The following CSMD1 variants were observed in gnomAD, a reference collection of about 807,000 sequenced individuals.
CSMD1 encodes CUB and sushi domain-containing protein 1.
A neutral mutation model predicts 417.5 loss-of-function variants in CSMD1; 213 were observed. The observed-to-expected ratio is 0.51, with a 90% confidence interval of 0.46 to 0.57. The LOEUF is 0.57. Among genes scored for constraint, CSMD1 ranks in the 20% least tolerant of loss-of-function variants. The pLI is 0.00. For synonymous variants in CSMD1, 2,862 were observed against 1,736.8 expected, an observed-to-expected ratio of 1.65 and a Z score of -16.11; for missense variants, 6,923 against 4,529.7, an observed-to-expected ratio of 1.53 and a Z score of -15.17.
At chr8:4,254,065 C>T (rs112430098) in intron 3 of CSMD1, among the ~76,000 whole-genome samples, 13,680 of 151,630 alleles carry the variant, frequency 0.09, 875 homozygotes, top group East Asian at 0.33. Context: ...TACTGGTGCC[C>T]ACCACCACGC....
intron 5 of CSMD1, among the ~76,000 whole-genome samples, chr8:3,954,280 A>G (rs1445190810): frequency 2.0e-5 from 3 of 152,352 alleles, no homozygotes; most frequent in Admixed American, 2.0e-4. Context: ...AGAACAGGAA[A>G]GGAAGGTGCG....
intron 27 of CSMD1, among the ~76,000 whole-genome samples, chr8:3,228,012 C>A (rs779539159): frequency 1.3e-5 from 2 of 152,254 alleles, no homozygotes; most frequent in South Asian, 4.1e-4. Context: ...AAGTGATCTG[C>A]CCGCCTTGGC....
At chr8:4,020,246 G>C (rs572855540) in intron 4 of CSMD1, among the ~76,000 whole-genome samples, 1 of 152,156 alleles carries the variant, frequency 6.6e-6, no homozygotes, top group African/African-American at 2.4e-5. Context: ...AAGACACACA[G>C]TGTCCAATTG....
intron 1 of CSMD1, among the ~76,000 whole-genome samples, chr8:4,741,419 G>A (rs1348109543): frequency 6.6e-5 from 10 of 152,204 alleles, no homozygotes; most frequent in African/African-American, 2.2e-4. Context: ...AAATGACCAG[G>A]AAATAACTGT....
In CSMD1 at chr8:3,290,639, C is replaced by T. The variant is rs554277316; in HGVS notation, c.3951-6293G>A. On this transcript the variant is annotated intron_variant, in intron 25 of 69. Transcript: ENST00000635120. ...TGGCTCTCTGTTTGTCTGTTATTGG[C>T]GTATGAGAATAGTTGTGATTTTTGC... Among the ~76,000 whole-genome samples, 42 of 147,052 alleles carry T rather than the reference C, an allele frequency of 2.9e-4. 7 individuals are homozygous for T. The highest frequency in any genetic ancestry group is 1.1e-3 in the African/African-American group (39 of 36,976).
At chr8:4,730,741 A>C (rs1369167773) in intron 1 of CSMD1, among the ~76,000 whole-genome samples, 2 of 147,962 alleles carry the variant, frequency 1.4e-5, no homozygotes, top group South Asian at 2.1e-4. Context: ...ACTCCATTTC[A>C]AAAAAACAAA....
At chr8:4,671,278 C>T (rs1230797536) in intron 1 of CSMD1, among the ~76,000 whole-genome samples, 1 of 152,106 alleles carries the variant, frequency 6.6e-6, no homozygotes, top group African/African-American at 2.4e-5. Context: ...GGGCAGGTTA[C>T]TGAATGGGCC....
intron 11 of CSMD1, among the ~76,000 whole-genome samples, chr8:3,488,124 A>G (rs955057449): frequency 6.8e-6 from 1 of 147,644 alleles, no homozygotes; most frequent in South Asian, 2.1e-4. Flanking sequence ...TCTTTTTGAA[A>G]TAGTGTCTTG....
intron 27 of CSMD1, 126 bp downstream of exon 27, chr8:3,229,914 A>T: frequency 1.5e-6 from 1 of 667,250 alleles, no homozygotes; most frequent in Admixed American, 3.5e-5. Context: ...AGTCTCAGAG[A>T]GCCAGAGAAC....
chr8:3,931,376 T>C lies in CSMD1; in HGVS notation c.818+66527A>G, dbSNP rs756001553. Among the ~76,000 whole-genome samples, 53 of 150,804 alleles carry C rather than the reference T, an allele frequency of 3.5e-4. 4 individuals carry two copies. In the Middle Eastern group the frequency reaches 0.014, roughly 39 times the overall value. On this transcript the variant is annotated intron_variant, in intron 5 of 69. Coordinates refer to ENST00000635120, the MANE Select transcript of CSMD1 (RefSeq NM_033225.6). ...CCCTCCCTCATTTCTCAGGCTTCTA[T>C]TTGAATGTCACATTCATTCTTTTAC...
intron 3 of CSMD1, among the ~76,000 whole-genome samples, chr8:4,186,853 G>A (rs1013734799): frequency 2.7e-5 from 4 of 147,884 alleles, no homozygotes; most frequent in Admixed American, 1.4e-4. Flanking sequence ...AAAATCAGCC[G>A]GGCGTGGTGT....
chr8:4,213,393 A>T (rs1426805424), intron 3 of CSMD1, among the ~76,000 whole-genome samples: 1 of 152,268 alleles, frequency 6.6e-6, no homozygotes, highest in South Asian at 2.1e-4. Context: ...ACATGCTTCA[A>T]TCCATCCTAA....
At chr8:4,388,257 G>C (rs12542717) in intron 3 of CSMD1, among the ~76,000 whole-genome samples, 2,835 of 151,028 alleles carry the variant, frequency 0.019, 40 homozygotes, top group Non-Finnish European at 0.028. Flanking sequence ...CAAAATCATG[G>C]AATGAACCCA....
intron 12 of CSMD1, among the ~76,000 whole-genome samples, chr8:3,468,044 A>T (rs1323408996): frequency 6.6e-6 from 1 of 152,236 alleles, no homozygotes. Flanking sequence ...AACCAATAAG[A>T]TATTTTAAAA....
intron 6 of CSMD1, among the ~76,000 whole-genome samples, chr8:3,739,321 C>A (rs1218187104): frequency 2.0e-5 from 3 of 152,192 alleles, no homozygotes; most frequent in African/African-American, 4.8e-5. Flanking sequence ...CAGGATGAAT[C>A]TGTTCTAGTG....
At chr8:3,965,014 G>A (rs925907013) in intron 5 of CSMD1, among the ~76,000 whole-genome samples, 2 of 152,186 alleles carry the variant, frequency 1.3e-5, no homozygotes, top group Non-Finnish European at 2.9e-5. Flanking sequence ...TGTGTATAAA[G>A]TAGGTGATAG....
intron 2 of CSMD1, among the ~76,000 whole-genome samples, chr8:4,589,076 A>C (rs2617080): frequency 2.0e-5 from 3 of 151,976 alleles, no homozygotes; most frequent in African/African-American, 7.2e-5. Flanking sequence ...TAGAAAAATA[A>C]AAAATATGTT....
At chr8:3,858,747 G>A (rs140718422) in intron 5 of CSMD1, among the ~76,000 whole-genome samples, 1 of 151,902 alleles carries the variant, frequency 6.6e-6, no homozygotes, top group African/African-American at 2.4e-5. Context: ...AATAACTTTG[G>A]ATGTTACACT....
intron 7 of CSMD1, among the ~76,000 whole-genome samples, chr8:3,621,748 G>A (rs1026798874): frequency 1.3e-5 from 2 of 151,338 alleles, no homozygotes; most frequent in African/African-American, 4.9e-5. Flanking sequence ...CCCAGCTAAT[G>A]TTTTATTATT....
Sources: gnomAD v4.1 joint callset for allele counts (sites outside exome capture counted in the v4.1 genomes callset) on GRCh38, gnomAD v4.1.1 for gene constraint, MANE v1.5 for transcripts, NCBI Gene and HGNC (gene_info 2026-07-23, HGNC 2026-07-21) for gene names.